Variants in ODR4 observed in about 807,000 individuals in gnomAD.
ODR4 encodes the protein protein odr-4 homolog.
A neutral mutation model predicts 60.2 loss-of-function variants in ODR4; 47 were observed. The ratio of observed to expected loss-of-function variants is 0.78; its 90% CI spans 0.62 to 1.00. The LOEUF (loss-of-function observed/expected upper bound fraction) is 1.00. ODR4 is among the 50% of genes least tolerant of loss of function. The pLI, the probability that ODR4 is intolerant of heterozygous loss-of-function variation, is 0.00. For synonymous variants in ODR4, 178 were observed against 175.5 expected, an observed-to-expected ratio of 1.01 and a Z score of -0.11; for missense variants, 488 against 530.8, an observed-to-expected ratio of 0.92 and a Z score of 0.79.
intron 1 of ODR4, among the ~76,000 whole-genome samples, chr1:186,378,054 A>G: frequency 6.6e-6 from 1 of 150,512 alleles, no homozygotes; most frequent in South Asian, 2.1e-4. Context: ...CAAAAAACAA[A>G]AAAAAAAAAG....
chr1:186,406,294 C>T (rs765088226), intron 12 of ODR4, 26 bp downstream of exon 12: 16 of 1,502,180 alleles, frequency 1.1e-5, no homozygotes, highest in Non-Finnish European at 1.3e-5. Context: ...TATTTAAGAA[C>T]CTGGTTAGAT....
At chr1:186,379,686 T>C (rs1659951065) in intron 1 of ODR4, 81 bp from the exon 2 acceptor site, 1 of 719,668 alleles carries the variant, frequency 1.4e-6, no homozygotes, top group Non-Finnish European at 2.3e-6. Flanking sequence ...GTATCACTTC[T>C]CTTGCTAAAC....
At chr1:186,402,226 C>CTTTCTTTCTTTCTTTCT (rs1553237006) in intron 11 of ODR4, among the ~76,000 whole-genome samples, 1 of 149,260 alleles carries the variant, frequency 6.7e-6, no homozygotes, top group Non-Finnish European at 1.5e-5. Context: ...TTCTTTCTTT[C>CTTTCTTTCTTTCTTTCT]TTTCTTTCCT....
At chr1:186,423,824 G>A (rs1317393054), downstream of ODR4, among the ~76,000 whole-genome samples, 1 of 152,094 alleles carries the variant, frequency 6.6e-6, no homozygotes, top group Non-Finnish European at 1.5e-5. Flanking sequence ...CAGAGGATAT[G>A]ACTGAACACA....
downstream of ODR4, among the ~76,000 whole-genome samples, chr1:186,424,322 CTG>C (rs1458009830): frequency 1.3e-5 from 2 of 152,154 alleles, no homozygotes; most frequent in Non-Finnish European, 1.5e-5. Flanking sequence ...GAAACCTAAA[CTG>C]TATTATGTAG....
chr1:186,429,338 TAGAC>T, the ODR4 span, among the ~76,000 whole-genome samples: 7 of 152,248 alleles, frequency 4.6e-5, no homozygotes, highest in South Asian at 2.1e-4. Flanking sequence ...ATGTGATACA[TAGAC>T]AGAAAATGAG....
intron 8 of ODR4, among the ~76,000 whole-genome samples, chr1:186,393,337 T>C (rs894422842): frequency 6.6e-6 from 1 of 152,234 alleles, no homozygotes; most frequent in Admixed American, 6.5e-5. Context: ...CCTGAAACTT[T>C]ACAGGAGTGT....
chr1:186,376,500 G>T (rs929620469), intron 1 of ODR4, among the ~76,000 whole-genome samples: 9 of 152,280 alleles, frequency 5.9e-5, no homozygotes, highest in Admixed American at 2.6e-4. Flanking sequence ...AGTTCCCACA[G>T]TCGTGGGCCT....
At chr1:186,380,304 A>G (rs1659974259) in intron 2 of ODR4, among the ~76,000 whole-genome samples, 1 of 152,138 alleles carries the variant, frequency 6.6e-6, no homozygotes. Context: ...CTTATATCAG[A>G]CTTATGGCAA....
chr1:186,431,725 GA>G, the ODR4 span, among the ~76,000 whole-genome samples: 32 of 152,274 alleles, frequency 2.1e-4, no homozygotes, highest in African/African-American at 6.7e-4. Context: ...CAAGCTTAAA[GA>G]GAAAGTGTAC....
chr1:186,377,397 ACATT>A (rs973010138), intron 1 of ODR4, among the ~76,000 whole-genome samples: 8 of 152,216 alleles, frequency 5.3e-5, no homozygotes, highest in African/African-American at 1.9e-4. Flanking sequence ...AATTTATCTG[ACATT>A]CAATCAGATT....
At chr1:186,398,538 T>C in intron 10 of ODR4, 97 bp downstream of exon 10, 1 of 1,256,934 alleles carries the variant, frequency 8.0e-7, no homozygotes, top group Non-Finnish European at 1.1e-6. Context: ...TAATTATTAA[T>C]TCGATTTTAA....
Position 186,398,325 on chromosome 1 carries a change from G to A in ODR4, c.793G>A (p.Asp265Asn). ...RVLTQLLLNS[D>N]HRSTATVQIC... ...TTTTGTCTTTCAGCTCCTGAATTCA[G>A]ACCACAGATCCACAGCCACAGTCCA... is the stretch of plus-strand genomic sequence containing the variant. Residue 265 changes from aspartate to asparagine, a missense_variant, in exon 10 of 14, where the codon GAC (aspartate) becomes AAC (asparagine). Physicochemically the swap from Asp to Asn is conservative, Grantham distance 23. Coordinates refer to ENST00000287859, the MANE Select transcript of ODR4 (RefSeq NM_017847.6). The A allele has an allele frequency of 6.3e-7, 1 of 1,591,218 alleles. No homozygotes were observed. The highest frequency in any genetic ancestry group is 8.6e-7 in the Non-Finnish European group (1 of 1,169,194).
intron 12 of ODR4, among the ~76,000 whole-genome samples, chr1:186,414,419 A>G (rs2102090018): frequency 6.6e-6 from 1 of 152,260 alleles, no homozygotes; most frequent in East Asian, 1.9e-4. Flanking sequence ...TTCAAGTAAT[A>G]AATTTCCTAT....
At chr1:186,431,282 A>G in the ODR4 span, among the ~76,000 whole-genome samples, 1 of 152,224 alleles carries the variant, frequency 6.6e-6, no homozygotes, top group South Asian at 2.1e-4. Context: ...AGTATTGCAA[A>G]GAATGGAATA....
chr1:186,382,997 C>G (rs749482649), intron 2 of ODR4, 25 bp from the exon 3 acceptor site: 7 of 1,567,702 alleles, frequency 4.5e-6, no homozygotes, highest in Non-Finnish European at 4.3e-6. Flanking sequence ...ATCACTCTAA[C>G]AAGCTTTTTA....
chr1:186,429,441 G>A, the ODR4 span, among the ~76,000 whole-genome samples: 1 of 152,096 alleles, frequency 6.6e-6, no homozygotes, highest in South Asian at 2.1e-4. Flanking sequence ...TATGTGAAAT[G>A]CAATAAAGCC....
At chr1:186,394,469 T>C (rs1660594769) in intron 9 of ODR4, among the ~76,000 whole-genome samples, 1 of 152,214 alleles carries the variant, frequency 6.6e-6, no homozygotes, top group South Asian at 2.1e-4. Context: ...TATTTATGTA[T>C]GGTTGCTTTA....
At chr1:186,405,976 CTTTTA>C (rs993144620) in intron 11 of ODR4, 102 bp from the exon 12 acceptor site, 267 of 808,122 alleles carry the variant, frequency 3.3e-4, no homozygotes, top group Admixed American at 1.8e-3. Flanking sequence ...AAATATTGAC[CTTTTA>C]AGCTTTATTT....
Sources: gnomAD v4.1 joint callset for allele counts (sites outside exome capture counted in the v4.1 genomes callset) on GRCh38, gnomAD v4.1.1 for gene constraint, MANE v1.5 for transcripts, NCBI Gene and HGNC (gene_info 2026-07-23, HGNC 2026-07-21) for gene names.